Variants in ZNF709 observed in about 807,000 individuals in gnomAD.
ZNF709 encodes zinc finger protein 709.
Under a neutral mutation model 10.6 loss-of-function variants are expected in ZNF709, and 15 were observed. That is an observed-to-expected ratio of 1.41 (90% CI 0.95 to 2.18). ZNF709 has a LOEUF of 2.18. ZNF709 is among the 30% of genes most tolerant of loss of function. The pLI, the probability that ZNF709 is intolerant of heterozygous loss-of-function variation, is 0.00. For synonymous variants in ZNF709, 194 were observed against 238.8 expected, an observed-to-expected ratio of 0.81 and a Z score of 1.73; for missense variants, 589 against 774.0, an observed-to-expected ratio of 0.76 and a Z score of 2.84.
chr19:12,467,020 T>G (rs1176254535), intron 1 of ZNF709, among the ~76,000 whole-genome samples, 170 bp from the exon 2 acceptor site: 1 of 152,250 alleles, frequency 6.6e-6, no homozygotes, highest in Non-Finnish European at 1.5e-5. Flanking sequence ...AACACCACCA[T>G]GAATACTTGG....
At chr19:12,475,566 G>C (rs1271907645) in intron 1 of ZNF709, among the ~76,000 whole-genome samples, 3 of 152,048 alleles carry the variant, frequency 2.0e-5, no homozygotes, top group Non-Finnish European at 2.9e-5. Context: ...CTCTTTTTGA[G>C]AAGCAGTATT....
At chr19:12,482,205 T>C (rs552442060) in intron 1 of ZNF709, among the ~76,000 whole-genome samples, 5 of 151,308 alleles carry the variant, frequency 3.3e-5, no homozygotes, top group African/African-American at 1.2e-4. Flanking sequence ...CCTCTCCCTC[T>C]CTCTCTCCCT....
chr19:12,470,444 G>T (rs746864134), intron 1 of ZNF709, among the ~76,000 whole-genome samples: 6 of 152,180 alleles, frequency 3.9e-5, no homozygotes, highest in African/African-American at 1.4e-4. Context: ...CTACTACCTA[G>T]TGTGCAGAAG....
In ZNF709 at chr19:12,462,576, C is replaced by T. The variant is rs1464867259; in HGVS notation, c.*1420G>A. ...TACTGTATGATAAACTTTGCAGACTCAAAAATTTATTATGATTATTTTTTA... is the reference window on the plus strand; with the variant it reads ...TACTGTATGATAAACTTTGCAGACTTAAAAATTTATTATGATTATTTTTTA... On this transcript the variant is annotated 3_prime_UTR_variant, in exon 4 of 4. Coordinates refer to ENST00000397732, the MANE Select transcript of ZNF709 (RefSeq NM_152601.4). The T allele has an allele frequency of 6.6e-6, 1 of 151,884 alleles. No homozygotes were observed. 9.4% of individuals were successfully genotyped at this position (151,884 alleles called of 1,614,324 possible).
chr19:12,465,652 T>C lies in ZNF709; in HGVS notation c.270A>G (p.Lys90=), dbSNP rs567117663. The C allele has an allele frequency of 6.2e-7, 1 of 1,613,266 alleles. No homozygotes were observed. The highest frequency in any genetic ancestry group is 8.5e-7 in the Non-Finnish European group (1 of 1,179,846). The change falls in exon 4 of 4, where the codon AAA becomes AAG. Residue 90 remains lysine (K), a synonymous_variant. Transcript: ENST00000397732. Reference sequence around the variant, plus strand: ...CTCTAGTAAAAGTTTTCTTGTTTGGTTTAGGATTTGGAGTCTGACTGATGG... The same window carrying C: ...CTCTAGTAAAAGTTTTCTTGTTTGGCTTAGGATTTGGAGTCTGACTGATGG... ...GETISQTPNP[K]PNKKTFTRVK...
chr19:12,463,833 A>C lies in ZNF709; in HGVS notation c.*163T>G. 2.0e-6 allele frequency: 1 copy of C among 489,592 alleles called. No homozygotes were observed. The allele number at this position is 489,592 out of a possible 1,614,324, so 30.3% of individuals were successfully genotyped here. On this transcript the variant is annotated 3_prime_UTR_variant, in exon 4 of 4. Coordinates refer to ENST00000397732, the MANE Select transcript of ZNF709 (RefSeq NM_152601.4). The stretch of plus-strand genomic sequence containing the variant: ...TCCCAGCTACTCAGGAAGCTGAGGC[A>C]GGAGAATCGCTTGAACCCAGGAGAC...
rs1970513444 is a variant in ZNF709 at position 12,461,450 on chromosome 19, G to A, written c.*2546C>T. 6.6e-6 allele frequency: 1 copy of A among 151,984 alleles called. No individual in the cohort carries two copies. Among genetic ancestry groups the A allele is most frequent in the Non-Finnish European group, 1.5e-5 (1 of 68,028 alleles). 9.4% of individuals were successfully genotyped at this position (151,984 alleles called of 1,614,324 possible). A position where few individuals can be genotyped will look rare whatever the true frequency, so the allele number is the denominator to read the frequency against. On this transcript the variant is annotated 3_prime_UTR_variant, in exon 4 of 4. Coordinates refer to ENST00000397732, the MANE Select transcript of ZNF709 (RefSeq NM_152601.4). ...GCTTATTCTTACACTGTAGGACTGG[G>A]TAAGTGCATTCCCTGCACAGTGCAG...
chr19:12,484,789 G>C lies in ZNF709; in HGVS notation c.-132C>G, dbSNP rs902365327. The C allele has an allele frequency of 9.4e-6, 12 of 1,278,224 alleles. No homozygotes were observed. In the South Asian group the frequency reaches 1.5e-4, roughly 16 times the overall value. The allele number at this position is 1,278,224 out of a possible 1,614,324, so 79.2% of individuals were successfully genotyped here. A position where few individuals can be genotyped will look rare whatever the true frequency, so the allele number is the denominator to read the frequency against. On this transcript the variant is annotated 5_prime_UTR_variant, in exon 1 of 4. Transcript: ENST00000397732. Reference sequence around the variant, plus strand: ...AGGAGACCCCAGAGCGGAGCGCAGCGGCTGGTAGCCACGCCCTCGCCGTTT... The same window carrying C: ...AGGAGACCCCAGAGCGGAGCGCAGCCGCTGGTAGCCACGCCCTCGCCGTTT...
chr19:12,473,082 C>T (rs1970648013), intron 1 of ZNF709, among the ~76,000 whole-genome samples: 1 of 152,074 alleles, frequency 6.6e-6, no homozygotes, highest in Admixed American at 6.5e-5. Flanking sequence ...TTGCTATTTC[C>T]TGTATATTTG....
intron 1 of ZNF709, among the ~76,000 whole-genome samples, chr19:12,478,104 C>T (rs1476853980): frequency 1.3e-5 from 2 of 152,158 alleles, no homozygotes; most frequent in East Asian, 3.9e-4. Flanking sequence ...TCCTTGGGAG[C>T]CCTGTGCTAT....
In ZNF709 at chr19:12,464,941, T is replaced by C. The variant is rs1407215327; in HGVS notation, c.981A>G (p.Glu327=). Reference sequence around the variant, plus strand: ...AGGGTTTCTCTCCTGTATGAATTCTTTCATGTTTTCTAAAGGAACTAGGAA... The same window carrying C: ...AGGGTTTCTCTCCTGTATGAATTCTCTCATGTTTTCTAAAGGAACTAGGAA... ...FSFPSSFRKH[E]RIHTGEKPYD... The change falls in exon 4 of 4, where the codon GAA becomes GAG. Residue 327 remains glutamate, a synonymous_variant. Transcript: ENST00000397732. The C allele has an allele frequency of 1.4e-5, 23 of 1,604,140 alleles. No individual in the cohort carries two copies. In the South Asian group the frequency reaches 2.5e-4, roughly 17 times the overall value.
At chr19:12,477,305 T>C (rs731723) in intron 1 of ZNF709, among the ~76,000 whole-genome samples, 40,269 of 152,100 alleles carry the variant, frequency 0.26, 5,549 homozygotes, top group South Asian at 0.37. Context: ...GTTCAATTTA[T>C]ATTGAGCCAT....
At chr19:12,479,266 G>A (rs1373503562) in intron 1 of ZNF709, among the ~76,000 whole-genome samples, 2 of 152,036 alleles carry the variant, frequency 1.3e-5, no homozygotes, top group Non-Finnish European at 2.9e-5. Context: ...TCATGTCATT[G>A]TACTCCAGCC....
Position 12,474,115 on chromosome 19 carries a change from T to C in ZNF709, c.4-7265A>G, listed in dbSNP as rs543739195. 2.6e-5 allele frequency among the ~76,000 whole-genome samples: 4 copies of C among 152,354 alleles called. No homozygotes were observed. The South Asian group carries it at 8.3e-4, about 32-fold the overall frequency. Reference sequence around the variant, plus strand: ...ACTATAAAATCATTGTGTTGTTAGCTATAGGTACTATGCCATATAGTAGAT... The same window carrying C: ...ACTATAAAATCATTGTGTTGTTAGCCATAGGTACTATGCCATATAGTAGAT... On this transcript the variant is annotated intron_variant, in intron 1 of 3. Coordinates refer to ENST00000397732, the MANE Select transcript of ZNF709 (RefSeq NM_152601.4).
intron 3 of ZNF709, 27 bp downstream of exon 3, chr19:12,466,435 G>A: frequency 6.2e-7 from 1 of 1,600,608 alleles, no homozygotes. Flanking sequence ...TCATAAGACA[G>A]TATTTTCTTT....
intron 1 of ZNF709, among the ~76,000 whole-genome samples, chr19:12,477,378 G>A (rs1599635604): frequency 6.6e-6 from 1 of 152,264 alleles, no homozygotes; most frequent in South Asian, 2.1e-4. Context: ...CAGTTTGTAA[G>A]TGCCAAAGAT....
intron 1 of ZNF709, among the ~76,000 whole-genome samples, chr19:12,479,775 C>T (rs1207957836): frequency 6.6e-6 from 1 of 152,060 alleles, no homozygotes; most frequent in African/African-American, 2.4e-5. Context: ...GAGGCTGAGG[C>T]AGGGGAATTG....
chr19:12,470,926 CAAA>C (rs763385209), intron 1 of ZNF709, among the ~76,000 whole-genome samples: 7 of 81,528 alleles, frequency 8.6e-5, no homozygotes, highest in South Asian at 3.7e-4. Flanking sequence ...GACTCCACCT[CAAA>C]AAAAAAAAAA....
chr19:12,467,821 T>C (rs1455551118), intron 1 of ZNF709, among the ~76,000 whole-genome samples: 2 of 149,752 alleles, frequency 1.3e-5, no homozygotes, highest in Admixed American at 1.3e-4. Flanking sequence ...GGAGTGCCTC[T>C]GCCCGGCCGC....
Sources: allele counts gnomAD v4.1 joint callset (sites outside exome capture counted in the v4.1 genomes callset), GRCh38; gene constraint gnomAD v4.1.1; transcripts MANE v1.5; gene names NCBI Gene and HGNC (gene_info 2026-07-23, HGNC 2026-07-21).